Variants in CEP85L observed in about 807,000 individuals in gnomAD.
CEP85L encodes centrosomal protein of 85 kDa-like.
CEP85L carries 60 observed loss-of-function variants against 100.3 expected under a neutral mutation model. The observed-to-expected ratio is 0.60, with a 90% CI of 0.49 to 0.74. The LOEUF is 0.74. CEP85L is among the 30% of genes least tolerant of loss of function. The probability of loss-of-function intolerance (pLI) is 0.00; values close to 1 mark genes in which losing one functional copy is unlikely to be tolerated. For missense variants in CEP85L, 973 were observed against 936.2 expected (o/e 1.04, Z -0.51); for synonymous variants, 319 against 322.7 (o/e 0.99, Z 0.12).
chr6:118,520,784 C>T (rs1776618816), intron 4 of CEP85L, among the ~76,000 whole-genome samples: 1 of 152,172 alleles, frequency 6.6e-6, no homozygotes, highest in African/African-American at 2.4e-5. Flanking sequence ...AGTGGTGAGA[C>T]TCCTTCACCC....
At chr6:118,482,170 G>A (rs1488949210) in intron 7 of CEP85L, among the ~76,000 whole-genome samples, 1 of 151,994 alleles carries the variant, frequency 6.6e-6, no homozygotes, top group Non-Finnish European at 1.5e-5. Context: ...AGAAGACCGA[G>A]AAAGGTTAAT....
chr6:118,697,708 C>G (rs893076271), intron 1 of CEP85L, among the ~76,000 whole-genome samples: 1 of 152,168 alleles, frequency 6.6e-6, no homozygotes, highest in African/African-American at 2.4e-5. Context: ...GAAGAGCCAT[C>G]AGTATATGAA....
chr6:118,512,375 A>G (rs1163081365), intron 4 of CEP85L, among the ~76,000 whole-genome samples: 2 of 152,172 alleles, frequency 1.3e-5, no homozygotes. Context: ...ACCAAAAAAA[A>G]TATTACAGGG....
chr6:118,602,995 T>C (rs1218769866), intron 2 of CEP85L, among the ~76,000 whole-genome samples: 1 of 152,156 alleles, frequency 6.6e-6, no homozygotes. Flanking sequence ...TAATTTTTTG[T>C]ATTTTTAGTA....
intron 2 of CEP85L, among the ~76,000 whole-genome samples, chr6:118,581,416 C>T (rs1780570434): frequency 6.6e-6 from 1 of 152,034 alleles, no homozygotes; most frequent in Non-Finnish European, 1.5e-5. Context: ...ACAGTTTTCC[C>T]TGAGATCCAT....
chr6:118,675,599 TA>T (rs35388600), intron 1 of CEP85L, among the ~76,000 whole-genome samples: 241 of 146,928 alleles, frequency 1.6e-3, no homozygotes, highest in African/African-American at 3.7e-3. Flanking sequence ...TTGCTAGAAT[TA>T]AAAAAAAAAA....
intron 1 of CEP85L, among the ~76,000 whole-genome samples, chr6:118,669,356 A>G (rs1002259382): frequency 6.6e-6 from 1 of 152,218 alleles, no homozygotes; most frequent in African/African-American, 2.4e-5. Context: ...AGGGAAACTT[A>G]AAAAACAAAT....
chr6:118,476,834 T>A (rs1773419536), intron 10 of CEP85L, among the ~76,000 whole-genome samples: 1 of 152,202 alleles, frequency 6.6e-6, no homozygotes, highest in Non-Finnish European at 1.5e-5. Flanking sequence ...GAAAGGCCAT[T>A]TAAATGCCTA....
chr6:118,520,162 C>G (rs535459610), intron 4 of CEP85L, among the ~76,000 whole-genome samples: 3 of 152,190 alleles, frequency 2.0e-5, no homozygotes, highest in African/African-American at 7.2e-5. Flanking sequence ...AGGATGTTTA[C>G]TCTCACTGCT....
Position 118,702,503 on chromosome 6 carries a change from C to A in CEP85L, c.-28+7533G>T, listed in dbSNP as rs943891901. On this transcript the variant is annotated intron_variant, in intron 1 of 13. Transcript: ENST00000368488. The stretch of plus-strand genomic sequence containing the variant: ...CTCCAGCTTGGGTAACAGAGGGAGA[C>A]CCCATCTCAAAAAGAAAAACAATTA... Among the ~76,000 whole-genome samples the A allele has an allele frequency of 3.3e-5, 5 of 152,216 alleles. No individual in the cohort carries two copies. The South Asian group carries it at 1.0e-3, about 32-fold the overall frequency.
intron 2 of CEP85L, among the ~76,000 whole-genome samples, chr6:118,575,102 A>G (rs1780146464): frequency 1.3e-5 from 2 of 152,114 alleles, no homozygotes; most frequent in South Asian, 4.1e-4. Flanking sequence ...AGAAATTTCT[A>G]TTAGGAGAGG....
chr6:118,677,814 C>A (rs1229375828), intron 1 of CEP85L, among the ~76,000 whole-genome samples: 1 of 152,196 alleles, frequency 6.6e-6, no homozygotes, highest in Non-Finnish European at 1.5e-5. Context: ...CCAAGTGTGT[C>A]CTGCCAATAT....
chr6:118,543,546 A>T (rs994906227), intron 3 of CEP85L, among the ~76,000 whole-genome samples: 5 of 152,190 alleles, frequency 3.3e-5, no homozygotes, highest in African/African-American at 1.2e-4. Context: ...ACTTTTCTGA[A>T]TTATAAGAGA....
rs982755093 is a variant in CEP85L, at chr6:118,464,000, T to C, written c.*1405A>G. 6.6e-6 allele frequency: 1 copy of C among 152,158 alleles called. No homozygotes were observed. The highest frequency in any genetic ancestry group is 2.4e-5 in the African/African-American group (1 of 41,450). 9.4% of individuals were successfully genotyped at this position (152,158 alleles called of 1,614,324 possible). The stretch of plus-strand genomic sequence containing the variant: ...GAAAACAGGCATGTGATATGCTCTT[T>C]ATCAAATCAATATTATCCTGCTTGA... On this transcript the variant is annotated 3_prime_UTR_variant, in exon 13 of 13. Coordinates refer to ENST00000368491, the MANE Select transcript of CEP85L (RefSeq NM_001042475.3).
intron 4 of CEP85L, among the ~76,000 whole-genome samples, chr6:118,522,934 T>A (rs1776749982): frequency 6.6e-6 from 1 of 151,966 alleles, no homozygotes; most frequent in South Asian, 2.1e-4. Flanking sequence ...ATATCTGTGG[T>A]CTAGTTTATA....
chr6:118,615,438 G>A (rs186635778), intron 2 of CEP85L, among the ~76,000 whole-genome samples: 6 of 149,198 alleles, frequency 4.0e-5, no homozygotes, highest in African/African-American at 7.4e-5. Flanking sequence ...AAGTAAATGG[G>A]AAAAAAAAAA....
At chr6:118,657,365 C>A (rs1200820866), upstream of CEP85L, among the ~76,000 whole-genome samples, 2 of 152,190 alleles carry the variant, frequency 1.3e-5, no homozygotes, top group Non-Finnish European at 2.9e-5. Context: ...CGCCTGTAAC[C>A]TCAGCACTTT....
intron 2 of CEP85L, among the ~76,000 whole-genome samples, chr6:118,577,199 T>A (rs748044975): frequency 3.9e-5 from 6 of 152,210 alleles, no homozygotes; most frequent in Non-Finnish European, 7.4e-5. Context: ...TGGGATGCAG[T>A]GAATCTAAGC....
chr6:118,505,045 T>C (rs1775556528), intron 5 of CEP85L, among the ~76,000 whole-genome samples: 2 of 152,120 alleles, frequency 1.3e-5, no homozygotes, highest in Admixed American at 6.5e-5. Context: ...GCTGTGCATG[T>C]GTGGGGATAT....
Sources: allele counts gnomAD v4.1 joint callset (sites outside exome capture counted in the v4.1 genomes callset), GRCh38; gene constraint gnomAD v4.1.1; transcripts MANE v1.5; gene names NCBI Gene and HGNC (gene_info 2026-07-23, HGNC 2026-07-21).